Variants in NFIA observed in about 807,000 individuals in gnomAD.
The protein encoded by NFIA is nuclear factor I A.
Under a neutral mutation model 62.8 loss-of-function variants are expected in NFIA, and 8 were observed. The observed-to-expected ratio is 0.13, with a 90% CI of 0.07 to 0.23. The LOEUF is 0.23. Among genes scored for constraint, NFIA ranks in the 10% least tolerant of loss-of-function variants. The pLI is 1.00. For missense variants in NFIA, 410 were observed against 642.1 expected (o/e 0.64, Z 3.91); for synonymous variants, 235 against 238.1 (o/e 0.99, Z 0.12).
intron 3 of NFIA, among the ~76,000 whole-genome samples, chr1:61,306,145 C>T (rs1269846526): frequency 6.6e-6 from 1 of 151,902 alleles, no homozygotes; most frequent in Admixed American, 6.6e-5. Context: ...CCACCGCACC[C>T]AGCCTTCTTT....
intron 3 of NFIA, among the ~76,000 whole-genome samples, chr1:61,332,186 T>TA (rs1481417228): frequency 6.6e-6 from 1 of 152,246 alleles, no homozygotes; most frequent in African/African-American, 2.4e-5. Context: ...ATGCTGTTTT[T>TA]ATCCCAATTG....
At chr1:61,170,005 A>G (rs1649845477) in intron 2 of NFIA, among the ~76,000 whole-genome samples, 2 of 152,190 alleles carry the variant, frequency 1.3e-5, no homozygotes, top group South Asian at 2.1e-4. Context: ...GATTTTTCCC[A>G]TTACCCCTAC....
intron 2 of NFIA, among the ~76,000 whole-genome samples, chr1:61,261,217 GGTT>G (rs1324437011): frequency 1.3e-5 from 2 of 152,070 alleles, no homozygotes; most frequent in Non-Finnish European, 2.9e-5. Flanking sequence ...CATTTTGAGG[GGTT>G]GTTAAGCCAA....
At chr1:61,175,147 A>C (rs1257014833) in intron 2 of NFIA, among the ~76,000 whole-genome samples, 1 of 151,382 alleles carries the variant, frequency 6.6e-6, no homozygotes, top group African/African-American at 2.4e-5. Context: ...TATTATTATT[A>C]TTATTATTTT....
Position 61,107,945 on chromosome 1 carries a change from G to C in NFIA, c.559+19265G>C, listed in dbSNP as rs116405892. Reference sequence around the variant, plus strand: ...CCAAATAATGTAAAATGATACCTCTGTCATTTATTTTTTATATTTGTGTAT... The same window carrying C: ...CCAAATAATGTAAAATGATACCTCTCTCATTTATTTTTTATATTTGTGTAT... On this transcript the variant is annotated intron_variant, in intron 2 of 10. Transcript: ENST00000403491. Among the ~76,000 whole-genome samples the C allele has an allele frequency of 5.5e-3, 831 of 151,536 alleles. 3 individuals are homozygous for C. The highest frequency in any genetic ancestry group is 9.0e-3 in the Non-Finnish European group (608 of 67,536).
chr1:61,337,888 GA>G (rs1661697381), intron 4 of NFIA, among the ~76,000 whole-genome samples: 2 of 152,142 alleles, frequency 1.3e-5, no homozygotes, highest in Non-Finnish European at 2.9e-5. Context: ...TAGGAACCCA[GA>G]AAGTTCTCCT....
chr1:61,251,004 T>A (rs1401723710), intron 2 of NFIA: 1 of 152,228 alleles, frequency 6.6e-6, no homozygotes, highest in Non-Finnish European at 1.5e-5. Flanking sequence ...ATGGAGAGCC[T>A]TCATTTCTCT....
intron 2 of NFIA, among the ~76,000 whole-genome samples, chr1:61,199,273 A>C (rs952124145): frequency 1.3e-5 from 2 of 152,222 alleles, no homozygotes; most frequent in Non-Finnish European, 2.9e-5. Context: ...ACAAAATTTA[A>C]TGAAGTAGGT....
rs1668330476 is a variant in NFIA, at chr1:61,456,841, A to G, written c.*1521A>G. 6.6e-6 allele frequency: 1 copy of G among 150,870 alleles called. No homozygotes were observed. The highest frequency in any genetic ancestry group is 2.4e-5 in the African/African-American group (1 of 41,110). The allele number at this position is 150,870 out of a possible 1,614,324, so 9.3% of individuals were successfully genotyped here. A position where few individuals can be genotyped will look rare whatever the true frequency, so the allele number is the denominator to read the frequency against. On this transcript the variant is annotated 3_prime_UTR_variant, in exon 11 of 11. Coordinates refer to ENST00000403491, the MANE Select transcript of NFIA (RefSeq NM_001134673.4). ...AAACAAAAAAAAAACACAAAAAACC[A>G]CAGAAACAAAAACAAAAAAAAGTGC...
chr1:61,423,080 A>C (rs1377352496), intron 9 of NFIA, among the ~76,000 whole-genome samples: 1 of 152,132 alleles, frequency 6.6e-6, no homozygotes, highest in Non-Finnish European at 1.5e-5. Context: ...GTGCAGGCCA[A>C]ACTAAGACTC....
rs61077935 is a variant in NFIA at position 61,126,437 on chromosome 1, A to AACACACACACACAC, written c.559+37782_559+37795dup. ...ACCTAGTTGGTTTTTTTTGAAAATG[A>AACACACACACACAC]ACACACACACACACACACACACACA... On this transcript the variant is annotated intron_variant, in intron 2 of 10. Coordinates refer to ENST00000403491, the MANE Select transcript of NFIA (RefSeq NM_001134673.4). Among the ~76,000 whole-genome samples the AACACACACACACAC allele has an allele frequency of 5.9e-3, 439 of 74,812 alleles. 9 individuals are homozygous for AACACACACACACAC. The highest frequency in any genetic ancestry group is 0.054 in the East Asian group (209 of 3,904). The allele number at this position is 74,812 out of a possible 152,430, so 49.1% of individuals were successfully genotyped here.
chr1:61,306,447 G>T, intron 3 of NFIA, among the ~76,000 whole-genome samples: 1 of 150,806 alleles, frequency 6.6e-6, no homozygotes, highest in Non-Finnish European at 1.5e-5. Context: ...GGCTAATTTT[G>T]GTATTTTTAG....
intron 2 of NFIA, among the ~76,000 whole-genome samples, chr1:61,252,449 A>G (rs900632188): frequency 3.3e-5 from 5 of 152,244 alleles, no homozygotes; most frequent in South Asian, 2.1e-4. Flanking sequence ...TTTTATTTCT[A>G]TGAAACTAAC....
intron 5 of NFIA, among the ~76,000 whole-genome samples, chr1:61,353,836 A>G (rs945758648): frequency 1.3e-5 from 2 of 152,212 alleles, no homozygotes; most frequent in Non-Finnish European, 2.9e-5. Context: ...GGGGGACAAA[A>G]AAGTCACACA....
intron 2 of NFIA, among the ~76,000 whole-genome samples, chr1:61,102,272 T>G (rs1646524319): frequency 6.6e-6 from 1 of 152,174 alleles, no homozygotes; most frequent in Non-Finnish European, 1.5e-5. Context: ...GAAGCGAACT[T>G]GATATAGTTC....
At chr1:61,141,766 A>G (rs1647553178) in intron 2 of NFIA, among the ~76,000 whole-genome samples, 1 of 152,220 alleles carries the variant, frequency 6.6e-6, no homozygotes, top group East Asian at 1.9e-4. Flanking sequence ...CACAGCGATC[A>G]TGCTCAGGAG....
chr1:61,203,557 AG>A (rs1458912342), intron 2 of NFIA, among the ~76,000 whole-genome samples: 2 of 152,100 alleles, frequency 1.3e-5, no homozygotes, highest in African/African-American at 4.8e-5. Context: ...TTGTGGAAGA[AG>A]GTAGGGAACA....
At chr1:61,227,768 C>G (rs1335072949) in intron 2 of NFIA, among the ~76,000 whole-genome samples, 2 of 152,092 alleles carry the variant, frequency 1.3e-5, no homozygotes, top group Non-Finnish European at 2.9e-5. Flanking sequence ...AATAAAACTT[C>G]AGATTAGAAA....
chr1:61,433,077 T>C (rs1036984723), intron 10 of NFIA, among the ~76,000 whole-genome samples: 1 of 152,198 alleles, frequency 6.6e-6, no homozygotes, highest in Admixed American at 6.5e-5. Context: ...TAGTGATAGG[T>C]TACTGACCAT....
Sources: gnomAD v4.1 joint callset for allele counts (sites outside exome capture counted in the v4.1 genomes callset) on GRCh38, gnomAD v4.1.1 for gene constraint, MANE v1.5 for transcripts, NCBI Gene and HGNC (gene_info 2026-07-23, HGNC 2026-07-21) for gene names.